Variants in ARK2N observed in about 807,000 individuals in gnomAD.
ARK2N encodes arkadia (RNF111) N-terminal like PKA signaling regulator 2N.
the ARK2N span, among the ~76,000 whole-genome samples, chr18:46,191,935 T>G: frequency 6.6e-6 from 1 of 152,240 alleles, no homozygotes; most frequent in Non-Finnish European, 1.5e-5. Context: ...TTCAGATTGG[T>G]TTCTTCACTT....
At chr18:46,189,532 T>G in the ARK2N span, among the ~76,000 whole-genome samples, 1 of 152,160 alleles carries the variant, frequency 6.6e-6, no homozygotes, top group Non-Finnish European at 1.5e-5. Context: ...GTTCAAGTGA[T>G]CCTCTGCCTT....
chr18:46,177,255 G>A, the ARK2N span, among the ~76,000 whole-genome samples: 1 of 151,820 alleles, frequency 6.6e-6, no homozygotes, highest in Admixed American at 6.6e-5. Flanking sequence ...AAAATAGAGT[G>A]GATAAAATAT....
chr18:46,207,125 CAGTA>C, the ARK2N span, among the ~76,000 whole-genome samples: 1 of 152,146 alleles, frequency 6.6e-6, no homozygotes, highest in Non-Finnish European at 1.5e-5. Context: ...TGACGCTACT[CAGTA>C]AGTCATGTGA....
chr18:46,257,665 A>AT, the ARK2N span, among the ~76,000 whole-genome samples: 1 of 82,102 alleles, frequency 1.2e-5, no homozygotes, highest in Non-Finnish European at 3.3e-5. Context: ...TCAGGCCAAT[A>AT]ATTTTTTTTT....
the ARK2N span, among the ~76,000 whole-genome samples, chr18:46,226,435 T>C: frequency 2.0e-5 from 3 of 152,216 alleles, no homozygotes; most frequent in Non-Finnish European, 4.4e-5. Flanking sequence ...AGGGTAAAGA[T>C]AAAATGGTCA....
the ARK2N span, among the ~76,000 whole-genome samples, chr18:46,204,740 A>C: frequency 6.6e-6 from 1 of 152,132 alleles, no homozygotes. Flanking sequence ...TTAGAAACGT[A>C]TCATTTAATG....
chr18:46,253,163 T>C, the ARK2N span, among the ~76,000 whole-genome samples: 2 of 152,248 alleles, frequency 1.3e-5, no homozygotes, highest in Non-Finnish European at 2.9e-5. Flanking sequence ...GTGCTAAATC[T>C]TTCACAAAGC....
the ARK2N span, among the ~76,000 whole-genome samples, chr18:46,240,747 C>T: frequency 6.6e-6 from 1 of 152,180 alleles, no homozygotes; most frequent in South Asian, 2.1e-4. Context: ...CTGTCCCTGT[C>T]TTACATTTTT....
chr18:46,250,904 G>A, the ARK2N span, among the ~76,000 whole-genome samples: 1 of 152,234 alleles, frequency 6.6e-6, no homozygotes, highest in East Asian at 1.9e-4. Flanking sequence ...ACTCTTCCTT[G>A]AGAACCCAGC....
At chr18:46,237,498 G>A in the ARK2N span, among the ~76,000 whole-genome samples, 1 of 148,530 alleles carries the variant, frequency 6.7e-6, no homozygotes, top group Non-Finnish European at 1.5e-5. Context: ...AGTGATTCTC[G>A]TGCCTCAGCC....
the ARK2N span, among the ~76,000 whole-genome samples, chr18:46,201,935 G>A: frequency 8.6e-5 from 13 of 151,932 alleles, no homozygotes; most frequent in Non-Finnish European, 1.5e-4. Context: ...GCGCCATTAC[G>A]CCTGGCTAAT....
the ARK2N span, among the ~76,000 whole-genome samples, chr18:46,195,785 A>C: frequency 1.3e-5 from 2 of 151,748 alleles, no homozygotes; most frequent in African/African-American, 4.8e-5. Flanking sequence ...CATGTTGGCC[A>C]AGCTGGTCTC....
chr18:46,176,040 G>A, the ARK2N span, among the ~76,000 whole-genome samples: 3 of 152,110 alleles, frequency 2.0e-5, no homozygotes, highest in African/African-American at 7.2e-5. Flanking sequence ...TCAGCTTTAG[G>A]TTCTAATTTA....
the ARK2N span, among the ~76,000 whole-genome samples, chr18:46,197,615 T>TTGA: frequency 6.6e-6 from 1 of 152,226 alleles, no homozygotes; most frequent in African/African-American, 2.4e-5. Context: ...ATGTAGTTCC[T>TTGA]TGATGAATAC....
chr18:46,243,740 C>A, the ARK2N span, among the ~76,000 whole-genome samples: 2 of 152,152 alleles, frequency 1.3e-5, no homozygotes, highest in Middle Eastern at 6.8e-3. Flanking sequence ...ACTGCATGTC[C>A]TCAGGTAAAT....
chr18:46,205,764 CA>C, the ARK2N span, among the ~76,000 whole-genome samples: 1 of 152,136 alleles, frequency 6.6e-6, no homozygotes, highest in Non-Finnish European at 1.5e-5. Context: ...GTTGCCCAGG[CA>C]GGCATTATTT....
At chr18:46,180,435 G>A in the ARK2N span, among the ~76,000 whole-genome samples, 1 of 152,158 alleles carries the variant, frequency 6.6e-6, no homozygotes, top group Non-Finnish European at 1.5e-5. Flanking sequence ...GGCAGGGCAC[G>A]GTGGCTCACG....
chr18:46,227,667 G>A, the ARK2N span, among the ~76,000 whole-genome samples: 13 of 152,056 alleles, frequency 8.5e-5, no homozygotes, highest in African/African-American at 2.4e-4. Context: ...GCACGAACCC[G>A]ACTCACTGCA....
At chr18:46,238,656 T>C in the ARK2N span, among the ~76,000 whole-genome samples, 5 of 152,194 alleles carry the variant, frequency 3.3e-5, no homozygotes, top group African/African-American at 9.6e-5. Flanking sequence ...CTGTTCTTTA[T>C]ACAGTGGCAC....
Sources: allele counts gnomAD v4.1 joint callset (sites outside exome capture counted in the v4.1 genomes callset), GRCh38; gene constraint gnomAD v4.1.1; transcripts MANE v1.5; gene names NCBI Gene and HGNC (gene_info 2026-07-23, HGNC 2026-07-21).